ENKUR: variants seen among roughly 807,000 people sequenced by gnomAD.
ENKUR encodes enkurin, TRPC channel interacting protein, also known as enkurin.
In ENKUR, 19 loss-of-function variants were observed where a neutral mutation model predicts 27.6. That is an observed-to-expected ratio of 0.69 (90% confidence interval 0.48 to 1.01). ENKUR has a LOEUF of 1.01. Among genes scored for constraint, ENKUR ranks in the 50% least tolerant of loss-of-function variants. The pLI is 0.00. For missense variants in ENKUR, 312 were observed against 310.5 expected (o/e 1.00, Z -0.04); for synonymous variants, 117 against 96.9 (o/e 1.21, Z -1.22).
chr10:25,043,666 T>C (rs1197568482), intron 2 of ENKUR, among the ~76,000 whole-genome samples: 1 of 152,108 alleles, frequency 6.6e-6, no homozygotes, highest in Non-Finnish European at 1.5e-5. Context: ...ACACTATTTT[T>C]TCAAATAATT....
At chr10:25,043,090 G>T (rs185835631) in intron 2 of ENKUR, among the ~76,000 whole-genome samples, 3 of 152,074 alleles carry the variant, frequency 2.0e-5, no homozygotes, top group South Asian at 2.1e-4. Flanking sequence ...GGAGAACAAG[G>T]CACCAAAATT....
At chr10:25,016,898 ACT>A (rs1850597941), upstream of ENKUR, 1 of 152,092 alleles carries the variant, frequency 6.6e-6, no homozygotes, top group South Asian at 2.1e-4. Context: ...GGTCATCTCA[ACT>A]CTGCGCGCAT....
At chr10:24,992,970 A>C (rs1404080547) in intron 3 of ENKUR, among the ~76,000 whole-genome samples, 1 of 152,186 alleles carries the variant, frequency 6.6e-6, no homozygotes. Flanking sequence ...GATCACAGAA[A>C]GATTAAATTA....
intron 2 of ENKUR, among the ~76,000 whole-genome samples, chr10:25,037,489 A>T (rs1851020957): frequency 6.6e-6 from 1 of 152,216 alleles, no homozygotes; most frequent in South Asian, 2.1e-4. Context: ...TCAAACATTT[A>T]ATTTTCACTT....
intron 1 of ENKUR, among the ~76,000 whole-genome samples, chr10:25,005,988 A>G (rs1850305662): frequency 6.6e-6 from 1 of 152,220 alleles, no homozygotes; most frequent in Admixed American, 6.5e-5. Flanking sequence ...AAATCATAGT[A>G]TTTTAGATAA....
intron 2 of ENKUR, among the ~76,000 whole-genome samples, chr10:25,051,655 C>T (rs1284691349): frequency 6.6e-6 from 1 of 152,192 alleles, no homozygotes; most frequent in African/African-American, 2.4e-5. Context: ...AGCAATCCAC[C>T]CCCATGACCC....
chr10:25,014,726 A>T (rs1298509534), intron 1 of ENKUR, among the ~76,000 whole-genome samples: 1 of 152,242 alleles, frequency 6.6e-6, no homozygotes, highest in Admixed American at 6.5e-5. Flanking sequence ...AAATTCTGCA[A>T]CTGTGCCATA....
At chr10:25,030,621 G>A (rs1195822209) in intron 2 of ENKUR, among the ~76,000 whole-genome samples, 1 of 152,066 alleles carries the variant, frequency 6.6e-6, no homozygotes, top group East Asian at 1.9e-4. Flanking sequence ...AAGTCTTTGT[G>A]CTTGTTTGTT....
chr10:24,999,734 C>T (rs550826543), intron 1 of ENKUR, among the ~76,000 whole-genome samples, 188 bp from the exon 2 acceptor site: 3 of 152,310 alleles, frequency 2.0e-5, no homozygotes, highest in African/African-American at 7.2e-5. Context: ...AAGCTCTGCC[C>T]TAAGAAAGAG....
upstream of ENKUR, among the ~76,000 whole-genome samples, chr10:25,018,617 A>G (rs1850656425): frequency 1.3e-5 from 2 of 149,540 alleles, no homozygotes; most frequent in Admixed American, 6.7e-5. Flanking sequence ...AGATCCCCGT[A>G]TATAATGGTA....
Position 24,984,249 on chromosome 10 carries a change from A to G in ENKUR, c.*121T>C. 6.2e-6 allele frequency: 7 copies of G among 1,127,050 alleles called. No individual in the cohort carries two copies. Among genetic ancestry groups the G allele is most frequent in the Non-Finnish European group, 8.8e-6 (7 of 793,922 alleles). The allele number at this position is 1,127,050 out of a possible 1,614,324, so 69.8% of individuals were successfully genotyped here. ...AATGTCATGGGCCACAGGAAAATAC[A>G]TCTTTTGCATTTGTGGAGCTCAGAA... is the stretch of plus-strand genomic sequence containing the variant. On this transcript the variant is annotated 3_prime_UTR_variant, in exon 6 of 6. Coordinates refer to ENST00000331161, the MANE Select transcript of ENKUR (RefSeq NM_145010.4).
chr10:24,990,616 A>T lies in ENKUR; in HGVS notation c.448-7T>A, dbSNP rs1363548601. On this transcript the variant is annotated splice_region_variant and splice_polypyrimidine_tract_variant and intron_variant, in intron 3 of 5. Transcript: ENST00000331161. ...CAGGTGTGACACCATAATCCTAAAA[A>T]GATTTTGCAGAAAAAAGTAATCAAT... is the stretch of plus-strand genomic sequence containing the variant. 2.7e-5 allele frequency: 43 copies of T among 1,590,442 alleles called. No individual in the cohort carries two copies. The highest frequency in any genetic ancestry group is 3.4e-5 in the Non-Finnish European group (40 of 1,173,666).
rs774112700 is a variant in ENKUR at position 25,024,340 on chromosome 10, A to G, written c.38-28471T>C. ...CTGTATCCCACCAAGTTGCAATTAT[A>G]TGATACTTGTAGCTACTTCAGGAGA... On this transcript the variant is annotated intron_variant, in intron 2 of 5. Transcript: ENST00000615958. 5.6e-6 allele frequency: 9 copies of G among 1,614,066 alleles called. No homozygotes were observed. The South Asian group carries it at 9.9e-5, about 18-fold the overall frequency.
At chr10:25,033,823 G>GTCTATCTATC (rs1554773524) in intron 2 of ENKUR, among the ~76,000 whole-genome samples, 1 of 125,738 alleles carries the variant, frequency 8.0e-6, no homozygotes, top group East Asian at 2.3e-4. Context: ...GTGTGTGTGT[G>GTCTATCTATC]TGTCTATCTA....
chr10:25,025,306 C>G (rs765528690), intron 2 of ENKUR: 1 of 1,614,174 alleles, frequency 6.2e-7, no homozygotes. Flanking sequence ...GCTCTATTTG[C>G]TGGGTTCATA....
At chr10:25,004,265 C>A (rs996911420) in intron 1 of ENKUR, among the ~76,000 whole-genome samples, 1 of 152,056 alleles carries the variant, frequency 6.6e-6, no homozygotes, top group African/African-American at 2.4e-5. Flanking sequence ...TATAATAGAA[C>A]AATTTCTATT....
chr10:25,056,996 C>A (rs1851265974), intron 2 of ENKUR, among the ~76,000 whole-genome samples: 2 of 152,182 alleles, frequency 1.3e-5, no homozygotes, highest in Admixed American at 6.5e-5. Context: ...CTGGTCTCAT[C>A]GCTCTCCAGA....
intron 4 of ENKUR, among the ~76,000 whole-genome samples, chr10:24,985,681 C>T (rs946425546): frequency 6.6e-6 from 1 of 152,176 alleles, no homozygotes; most frequent in Non-Finnish European, 1.5e-5. Context: ...TCACAGTGCC[C>T]TATGGGCTCC....
intron 2 of ENKUR, among the ~76,000 whole-genome samples, chr10:25,042,125 G>A (rs1419166263): frequency 6.6e-6 from 1 of 151,926 alleles, no homozygotes; most frequent in Non-Finnish European, 1.5e-5. Context: ...TGAAATTTTT[G>A]AAAGTAAAGA....
Sources: allele counts gnomAD v4.1 joint callset (sites outside exome capture counted in the v4.1 genomes callset), GRCh38; gene constraint gnomAD v4.1.1; transcripts MANE v1.5; gene names NCBI Gene and HGNC (gene_info 2026-07-23, HGNC 2026-07-21).